RELN: variants seen among roughly 807,000 people sequenced by gnomAD.
RELN encodes reelin.
Under a neutral mutation model 427.6 loss-of-function variants are expected in RELN, and 108 were observed. The ratio of observed to expected loss-of-function variants is 0.25; its 90% CI spans 0.22 to 0.30. RELN has a LOEUF of 0.30. RELN is among the 10% of genes least tolerant of loss of function. The pLI, the probability that RELN is intolerant of heterozygous loss-of-function variation, is 1.00. For missense variants in RELN, 3,715 were observed against 4,302.8 expected (o/e 0.86, Z 3.82); for synonymous variants, 1,524 against 1,513.4 (o/e 1.01, Z -0.16).
intron 2 of RELN, among the ~76,000 whole-genome samples, chr7:103,906,326 G>A (rs1795203274): frequency 1.3e-5 from 2 of 152,086 alleles, no homozygotes; most frequent in Non-Finnish European, 2.9e-5. Flanking sequence ...TTTGCCTTGG[G>A]TTCTTTATCC....
At chr7:103,959,010 C>G (rs975989422) in intron 1 of RELN, among the ~76,000 whole-genome samples, 2 of 152,186 alleles carry the variant, frequency 1.3e-5, no homozygotes, top group South Asian at 2.1e-4. Context: ...TGCATGATCT[C>G]GTTTCACTGG....
rs1296074586 is a variant in RELN at position 103,542,795 on chromosome 7, G to A, written c.6607C>T (p.Leu2203Phe). 6.2e-7 allele frequency: 1 copy of A among 1,614,048 alleles called. No individual in the cohort carries two copies. Among genetic ancestry groups the A allele is most frequent in the Non-Finnish European group, 8.5e-7 (1 of 1,179,992 alleles). Residue 2203 changes from leucine (L) to phenylalanine (F), a missense_variant, in exon 43 of 65, where the codon CTC (leucine) becomes TTC (phenylalanine). By Grantham distance (22) the Leu-to-Phe change is conservative (BLOSUM62 0). Around this residue, in one of 4 missense-constraint regions of RELN, gnomAD observed 1,310 missense variants for 1,643.0 expected, o/e 0.80. Coordinates refer to ENST00000428762, the MANE Select transcript of RELN (RefSeq NM_005045.4). ...CGCAAGCCATCTTCATTGAAAAAGA[G>A]GTTGTTTCCACTAGAAAGGATTCCA... ...KCGILSSGNN[L>F]FFNEDGLRML... is the part of the protein sequence containing the mutation.
intron 42 of RELN, among the ~76,000 whole-genome samples, chr7:103,543,653 T>TAAATA (rs1830223010): frequency 6.6e-6 from 1 of 151,914 alleles, no homozygotes; most frequent in Admixed American, 6.6e-5. Context: ...TCTCAAAAAA[T>TAAATA]AAATAAAATA....
chr7:103,668,742 C>T (rs995752421), intron 11 of RELN, among the ~76,000 whole-genome samples: 2 of 152,216 alleles, frequency 1.3e-5, no homozygotes, highest in Non-Finnish European at 2.9e-5. Flanking sequence ...AACCAGGAGC[C>T]TCTCTTGACG....
chr7:103,505,486 C>T (rs1486656956), intron 51 of RELN, among the ~76,000 whole-genome samples: 1 of 152,100 alleles, frequency 6.6e-6, no homozygotes, highest in African/African-American at 2.4e-5. Context: ...GCCTGACTGC[C>T]AGAAGGAAAA....
At chr7:103,881,154 A>G (rs957993411) in intron 2 of RELN, among the ~76,000 whole-genome samples, 1 of 152,062 alleles carries the variant, frequency 6.6e-6, no homozygotes, top group African/African-American at 2.4e-5. Flanking sequence ...TAAGTGCTCT[A>G]TCCATTGTAA....
At chr7:103,545,034 T>C in intron 42 of RELN, 90 bp downstream of exon 42, 1 of 896,898 alleles carries the variant, frequency 1.1e-6, no homozygotes, top group Non-Finnish European at 1.8e-6. Context: ...GATATTAGAA[T>C]TAAACTTAAT....
rs1197885415 is a variant in RELN, at chr7:103,573,167, C to G, written c.4512-907G>C. ...TTGGCCAGGAGCTGGTCTTGAATTC[C>G]TGACCTCAAGTGATCCACCTGCCTC... On this transcript the variant is annotated intron_variant, in intron 30 of 64. Coordinates refer to ENST00000428762, the MANE Select transcript of RELN (RefSeq NM_005045.4). This position sits in a 1 kb window ranked among gnomAD's most constrained non-coding sequence, Gnocchi z 4.4. 6.6e-6 allele frequency among the ~76,000 whole-genome samples: 1 copy of G among 152,208 alleles called. No individual in the cohort carries two copies. Among genetic ancestry groups the G allele is most frequent in the Non-Finnish European group, 1.5e-5 (1 of 68,028 alleles).
intron 3 of RELN, among the ~76,000 whole-genome samples, chr7:103,822,160 G>A (rs1793030925): frequency 6.6e-6 from 1 of 151,746 alleles, no homozygotes; most frequent in South Asian, 2.1e-4. Flanking sequence ...TCCTCAAATT[G>A]TTTTTCTTTT....
At chr7:103,592,674 G>A (rs1381237367) in intron 27 of RELN, among the ~76,000 whole-genome samples, 1 of 152,054 alleles carries the variant, frequency 6.6e-6, no homozygotes, top group Non-Finnish European at 1.5e-5. Context: ...AAAAATTTCA[G>A]AATATTATCT....
At chr7:103,559,943 G>A (rs1473141216) in intron 36 of RELN, among the ~76,000 whole-genome samples, 2 of 152,122 alleles carry the variant, frequency 1.3e-5, no homozygotes, top group African/African-American at 2.4e-5. Context: ...TTGTTCCCAT[G>A]GGTCAATACA....
At chr7:103,664,796 C>A (rs1278464404) in intron 11 of RELN, among the ~76,000 whole-genome samples, 1 of 151,998 alleles carries the variant, frequency 6.6e-6, no homozygotes, top group African/African-American at 2.4e-5. Flanking sequence ...TATTTATGTC[C>A]ATTTTGTATT....
At chr7:103,809,737 T>C (rs1792690757) in intron 3 of RELN, among the ~76,000 whole-genome samples, 1 of 152,156 alleles carries the variant, frequency 6.6e-6, no homozygotes, top group African/African-American at 2.4e-5. Context: ...CATGACAATC[T>C]AATTGTCATT....
At chr7:103,853,854 T>C (rs1008371401) in intron 2 of RELN, among the ~76,000 whole-genome samples, 7 of 152,002 alleles carry the variant, frequency 4.6e-5, no homozygotes, top group African/African-American at 7.2e-5. Flanking sequence ...CAGTAAAAAA[T>C]GGCTACCAAA....
intron 64 of RELN, among the ~76,000 whole-genome samples, chr7:103,477,686 T>C (rs1000898557): frequency 6.6e-6 from 1 of 152,218 alleles, no homozygotes; most frequent in Non-Finnish European, 1.5e-5. Flanking sequence ...GAGAATAATA[T>C]CCAATAATGT....
chr7:103,960,512 AT>A (rs996038214), intron 1 of RELN, among the ~76,000 whole-genome samples: 5 of 151,922 alleles, frequency 3.3e-5, no homozygotes, highest in Admixed American at 6.6e-5. Flanking sequence ...ATTTTATCGT[AT>A]TTTTTCTGAC....
chr7:103,609,798 C>T (rs951337616), intron 22 of RELN, among the ~76,000 whole-genome samples: 7 of 152,162 alleles, frequency 4.6e-5, no homozygotes, highest in South Asian at 2.1e-4. Context: ...TACAAAAGAG[C>T]GATTGTTAGG....
At chr7:103,784,795 TTGTTA>T (rs1791978066) in intron 3 of RELN, among the ~76,000 whole-genome samples, 1 of 152,190 alleles carries the variant, frequency 6.6e-6, no homozygotes, top group South Asian at 2.1e-4. Flanking sequence ...TATGTCTTCT[TTGTTA>T]TGTTATGTGT....
intron 10 of RELN, among the ~76,000 whole-genome samples, chr7:103,697,634 G>C (rs1017635432): frequency 2.0e-5 from 3 of 152,128 alleles, no homozygotes; most frequent in Admixed American, 2.0e-4. Flanking sequence ...AGCACAGTGA[G>C]TTCTCAAAAA....
Sources: gnomAD v4.1 joint callset for allele counts (sites outside exome capture counted in the v4.1 genomes callset) on GRCh38, gnomAD v4.1.1 for gene constraint, gnomAD v4.1.1 regional missense constraint, Gnocchi (gnomAD v3.1) non-coding constraint, MANE v1.5 for transcripts, NCBI Gene and HGNC (gene_info 2026-07-23, HGNC 2026-07-21) for gene names.